Variants in TNFAIP8 observed in about 807,000 individuals in gnomAD.
TNFAIP8 encodes TNF alpha induced protein 8, also known as tumor necrosis factor alpha-induced protein 8.
TNFAIP8 carries 7 observed loss-of-function variants against 13.3 expected under a neutral mutation model. That is an observed-to-expected ratio of 0.52 (90% CI 0.30 to 0.99). TNFAIP8 has a LOEUF of 0.99. TNFAIP8 is among the 50% of genes least tolerant of loss of function. The pLI is 0.07. For synonymous variants in TNFAIP8, 94 were observed against 87.6 expected, an observed-to-expected ratio of 1.07 and a Z score of -0.41; for missense variants, 258 against 236.9, an observed-to-expected ratio of 1.09 and a Z score of -0.58.
chr5:119,268,969 G>GC, intron 1 of TNFAIP8: 1 of 657,124 alleles, frequency 1.5e-6, no homozygotes, highest in Non-Finnish European at 2.7e-6. Context: ...CCGCCGCTGG[G>GC]CTGCGGGCTG....
upstream of TNFAIP8, chr5:119,355,829 CCGCCCGGCTGCCGGCCCGAG>C (rs1751381081): frequency 6.9e-6 from 7 of 1,007,658 alleles, no homozygotes; most frequent in East Asian, 6.1e-5. Flanking sequence ...CAGGTCGCCT[CCGCCCGGCTGCCGGCCCGAG>C]CGCGCGGCTC....
intron 1 of TNFAIP8, among the ~76,000 whole-genome samples, chr5:119,297,711 A>T (rs1478400475): frequency 6.6e-6 from 1 of 152,084 alleles, no homozygotes; most frequent in Non-Finnish European, 1.5e-5. Flanking sequence ...TTGGGTGTTA[A>T]AGTCTCCCAT....
intron 1 of TNFAIP8, among the ~76,000 whole-genome samples, chr5:119,317,088 A>G (rs561534108): frequency 5.3e-5 from 8 of 152,326 alleles, no homozygotes; most frequent in Admixed American, 2.6e-4. Flanking sequence ...CCACCCGGCA[A>G]GATAATAAAA....
Position 119,384,358 on chromosome 5 carries a change from G to T in TNFAIP8, c.32-8458G>T, listed in dbSNP as rs192019449. On this transcript the variant is annotated intron_variant, in intron 1 of 1. Coordinates refer to ENST00000504771, the MANE Select transcript of TNFAIP8 (RefSeq NM_014350.4). ...CAATTAGCTGGGCGTGGTGGCATGT[G>T]CCTATAATCAGCTACTTGGGAGACT... Among the ~76,000 whole-genome samples the T allele has an allele frequency of 2.8e-4, 42 of 152,226 alleles. 1 individual carries two copies. Among genetic ancestry groups the T allele is most frequent in the African/African-American group, 8.4e-4 (35 of 41,538 alleles).
At chr5:119,385,013 A>G (rs1432016669) in intron 1 of TNFAIP8, among the ~76,000 whole-genome samples, 1 of 152,210 alleles carries the variant, frequency 6.6e-6, no homozygotes, top group Non-Finnish European at 1.5e-5. Context: ...AAAGCCTGAG[A>G]TCACAGAGGG....
At chr5:119,338,601 G>T (rs1426149421) in intron 1 of TNFAIP8, among the ~76,000 whole-genome samples, 1 of 152,196 alleles carries the variant, frequency 6.6e-6, no homozygotes, top group Non-Finnish European at 1.5e-5. Flanking sequence ...GCATCCTTGG[G>T]CTCCTTCACT....
chr5:119,273,863 C>G (rs190249964), intron 1 of TNFAIP8, among the ~76,000 whole-genome samples: 1 of 152,190 alleles, frequency 6.6e-6, no homozygotes, highest in Non-Finnish European at 1.5e-5. Context: ...ACACAGTAGA[C>G]TCTTGGATAT....
At position 119,392,920 on chromosome 5, in the gene TNFAIP8, A is replaced by T. The variant is rs1201116644; in HGVS notation, c.136A>T (p.Thr46Ser). Residue 46 changes from threonine to serine, a missense_variant, in exon 2 of 2, where the codon ACA (threonine) becomes TCA (serine). By Grantham distance (58) the Thr-to-Ser change is moderately conservative. Coordinates refer to ENST00000504771, the MANE Select transcript of TNFAIP8 (RefSeq NM_014350.4). ...KSIATTLIDD[T>S]SSEVLDELYR... ...CATCGCCACCACCTTAATAGACGAC[A>T]CAAGTAGTGAGGTGCTGGATGAGCT... The T allele has an allele frequency of 3.1e-6, 5 of 1,604,844 alleles. No homozygotes were observed. The highest frequency in any genetic ancestry group is 2.6e-6 in the Non-Finnish European group (3 of 1,175,648).
chr5:119,279,386 T>G (rs1195044766), intron 1 of TNFAIP8, among the ~76,000 whole-genome samples: 6 of 152,164 alleles, frequency 3.9e-5, no homozygotes, highest in Admixed American at 3.9e-4. Context: ...CCATGTTTCA[T>G]TCTTCACATT....
At chr5:119,301,684 A>G (rs1195696802) in intron 1 of TNFAIP8, among the ~76,000 whole-genome samples, 1 of 152,230 alleles carries the variant, frequency 6.6e-6, no homozygotes, top group East Asian at 1.9e-4. Flanking sequence ...GAAATGAACA[A>G]TCTTAAAGAT....
At chr5:119,344,852 T>A (rs1485606453) in intron 1 of TNFAIP8, among the ~76,000 whole-genome samples, 1 of 152,180 alleles carries the variant, frequency 6.6e-6, no homozygotes, top group Non-Finnish European at 1.5e-5. Flanking sequence ...AGAAATATAA[T>A]ATTAAGTACG....
At chr5:119,332,878 CTTACA>C (rs1278569255) in intron 1 of TNFAIP8, among the ~76,000 whole-genome samples, 1 of 152,200 alleles carries the variant, frequency 6.6e-6, no homozygotes, top group Non-Finnish European at 1.5e-5. Flanking sequence ...TACACTCACA[CTTACA>C]TTCATTATGA....
intron 1 of TNFAIP8, among the ~76,000 whole-genome samples, chr5:119,294,568 G>C (rs756172810): frequency 4.6e-5 from 7 of 152,078 alleles, no homozygotes; most frequent in African/African-American, 9.7e-5. Context: ...ACCCAGTAAT[G>C]GATGGCTGGG....
At chr5:119,294,066 T>A (rs1279279771) in intron 1 of TNFAIP8, among the ~76,000 whole-genome samples, 1 of 152,296 alleles carries the variant, frequency 6.6e-6, no homozygotes. Context: ...TTTATTATAC[T>A]TTAAGTTTTA....
In TNFAIP8 at chr5:119,323,712, T is replaced by C. The variant is rs529371363; in HGVS notation, c.1+54805T>C. ...TTGTAATCTGTGTTCTTTGGCTGAGTGCTGAGCTTAGGAGGCTGCCAGATG... is the reference window on the plus strand; with the variant it reads ...TTGTAATCTGTGTTCTTTGGCTGAGCGCTGAGCTTAGGAGGCTGCCAGATG... On this transcript the variant is annotated intron_variant, in intron 1 of 1. Transcript: ENST00000274456. Among the ~76,000 whole-genome samples the C allele has an allele frequency of 5.9e-5, 9 of 152,310 alleles. No individual in the cohort carries two copies. In the South Asian group the frequency reaches 1.9e-3, roughly 32 times the overall value.
intron 1 of TNFAIP8, among the ~76,000 whole-genome samples, chr5:119,304,847 G>C (rs1345849928): frequency 3.9e-5 from 6 of 152,222 alleles, no homozygotes; most frequent in Non-Finnish European, 8.8e-5. Flanking sequence ...TGATTGAAGT[G>C]ATAAATTCTA....
At chr5:119,298,996 T>G (rs1190602702) in intron 1 of TNFAIP8, among the ~76,000 whole-genome samples, 33 of 152,190 alleles carry the variant, frequency 2.2e-4, no homozygotes, top group Admixed American at 2.2e-3. Context: ...GTTATTCTAG[T>G]TATACATTCT....
At chr5:119,309,601 G>A (rs1000424434) in intron 1 of TNFAIP8, among the ~76,000 whole-genome samples, 5 of 152,202 alleles carry the variant, frequency 3.3e-5, no homozygotes, top group African/African-American at 1.2e-4. Flanking sequence ...CAGAAGAGCA[G>A]GGTGGGTAGT....
intron 1 of TNFAIP8, among the ~76,000 whole-genome samples, chr5:119,345,770 C>G (rs1377830729): frequency 6.6e-6 from 1 of 152,086 alleles, no homozygotes; most frequent in African/African-American, 2.4e-5. Context: ...GAAAAAAGTT[C>G]TAGAGATGGA....
Sources: gnomAD v4.1 joint callset for allele counts (sites outside exome capture counted in the v4.1 genomes callset) on GRCh38, gnomAD v4.1.1 for gene constraint, MANE v1.5 for transcripts, NCBI Gene and HGNC (gene_info 2026-07-23, HGNC 2026-07-21) for gene names.